Variants in TFEC observed in about 807,000 individuals in gnomAD.
TFEC encodes class E basic helix-loop-helix protein 34.
TFEC carries 31 observed loss-of-function variants against 41.6 expected under a neutral mutation model. The observed-to-expected ratio is 0.74, with a 90% CI of 0.56 to 1.01. The LOEUF is 1.01. Among genes scored for constraint, TFEC ranks in the 50% least tolerant of loss-of-function variants. The pLI is 0.00. For missense variants in TFEC, 402 were observed against 404.1 expected (o/e 0.99, Z 0.04); for synonymous variants, 143 against 140.6 (o/e 1.02, Z -0.12).
chr7:116,027,520 C>T (rs1412727848), intron 1 of TFEC, among the ~76,000 whole-genome samples: 12 of 151,982 alleles, frequency 7.9e-5, no homozygotes, highest in African/African-American at 2.9e-4. Flanking sequence ...TCTTTTGAGC[C>T]CGGGAGGTCG....
chr7:116,005,075 G>C (rs1201653597), intron 1 of TFEC, among the ~76,000 whole-genome samples: 1 of 152,186 alleles, frequency 6.6e-6, no homozygotes, highest in East Asian at 1.9e-4. Context: ...GGCCTCCCCA[G>C]CCATGTGAAA....
At chr7:116,041,720 T>A (rs1220589722) in intron 3 of TFEC, among the ~76,000 whole-genome samples, 1 of 152,168 alleles carries the variant, frequency 6.6e-6, no homozygotes, top group Non-Finnish European at 1.5e-5. Context: ...AGGCAGAGAT[T>A]GAAAAACCCA....
rs557176020 is a variant in TFEC at position 115,942,145 on chromosome 7, A to G, written c.516-105T>C. On this transcript the variant is annotated intron_variant, in intron 6 of 7. Transcript: ENST00000265440. Reference sequence around the variant, plus strand: ...ATATGAAATAATGATTTACATGACTATTATTCACTCTTAGATATTATTGCT... The same window carrying G: ...ATATGAAATAATGATTTACATGACTGTTATTCACTCTTAGATATTATTGCT... 6.4e-5 allele frequency: 77 copies of G among 1,203,750 alleles called. 1 individual carries two copies. The highest frequency in any genetic ancestry group is 3.6e-4 in the South Asian group (19 of 52,444). 74.6% of individuals were successfully genotyped at this position (1,203,750 alleles called of 1,614,324 possible). A position where few individuals can be genotyped will look rare whatever the true frequency, so the allele number is the denominator to read the frequency against.
chr7:116,143,864 T>A (rs1170799050), intron 1 of TFEC, among the ~76,000 whole-genome samples: 1 of 152,082 alleles, frequency 6.6e-6, no homozygotes, highest in Non-Finnish European at 1.5e-5. Flanking sequence ...TCCCAGACAT[T>A]CTTCATTTTC....
chr7:116,070,392 A>G (rs1403140490), intron 3 of TFEC, among the ~76,000 whole-genome samples: 3 of 151,472 alleles, frequency 2.0e-5, no homozygotes, highest in East Asian at 1.9e-4. Flanking sequence ...TCATTTGAAA[A>G]TTAAGTTATT....
At position 116,089,741 on chromosome 7, in the gene TFEC, G is replaced by GAGACAAT. The variant is rs1416840202; in HGVS notation, c.198+20966_198+20967insATTGTCT. On this transcript the variant is annotated intron_variant, in intron 3 of 8. Transcript: ENST00000484212. ...CAAAAGACAAAGGAAAGTATCTCTG[G>GAGACAAT]AGAAATACTATTGAAACTGGGCTTT... 2.6e-5 allele frequency among the ~76,000 whole-genome samples: 4 copies of GAGACAAT among 152,198 alleles called. No individual in the cohort carries two copies. In the South Asian group the frequency reaches 8.3e-4, roughly 32 times the overall value.
At position 116,029,705 on chromosome 7, in the gene TFEC, T is replaced by C. The variant is rs538243302; in HGVS notation, c.-73+928A>G. 5.9e-5 allele frequency among the ~76,000 whole-genome samples: 9 copies of C among 152,064 alleles called. No individual in the cohort carries two copies. The South Asian group carries it at 1.9e-3, about 32-fold the overall frequency. ...AGCAAATGTATATATACAGCATATA[T>C]ATATGTATGTACATGTGTATAAATA... On this transcript the variant is annotated intron_variant, in intron 1 of 7. Coordinates refer to ENST00000265440, the MANE Select transcript of TFEC (RefSeq NM_012252.4).
chr7:115,957,407 T>C (rs1251123423), intron 3 of TFEC, among the ~76,000 whole-genome samples: 1 of 151,860 alleles, frequency 6.6e-6, no homozygotes, highest in Non-Finnish European at 1.5e-5. Flanking sequence ...CTTTTGCCTC[T>C]AGTGAATATA....
At chr7:115,995,901 G>A (rs147837739) in intron 1 of TFEC, among the ~76,000 whole-genome samples, 13 of 152,308 alleles carry the variant, frequency 8.5e-5, no homozygotes, top group African/African-American at 2.9e-4. Flanking sequence ...GCCCTACCCG[G>A]AGGGGAATTG....
chr7:115,971,244 G>C (rs760852880), intron 3 of TFEC, among the ~76,000 whole-genome samples: 1 of 151,874 alleles, frequency 6.6e-6, no homozygotes, highest in Non-Finnish European at 1.5e-5. Context: ...CATTATCTCA[G>C]AGCTTTAACT....
chr7:115,944,276 G>T (rs1793676414), intron 6 of TFEC, among the ~76,000 whole-genome samples: 1 of 151,086 alleles, frequency 6.6e-6, no homozygotes, highest in African/African-American at 2.4e-5. Context: ...TGTAAACATG[G>T]CTCACAAAAA....
chr7:116,129,403 A>G (rs1407900928), intron 1 of TFEC, among the ~76,000 whole-genome samples: 2 of 151,856 alleles, frequency 1.3e-5, no homozygotes, highest in South Asian at 2.1e-4. Context: ...TAAAAGTAAA[A>G]TAAAATGTTA....
intron 1 of TFEC, among the ~76,000 whole-genome samples, chr7:116,139,653 A>C (rs1208898725): frequency 1.3e-5 from 2 of 152,242 alleles, no homozygotes. Flanking sequence ...TGATAAACTA[A>C]GGGATCCTGG....
intron 1 of TFEC, among the ~76,000 whole-genome samples, chr7:116,131,313 G>C (rs910478819): frequency 6.6e-6 from 1 of 152,092 alleles, no homozygotes; most frequent in African/African-American, 2.4e-5. Flanking sequence ...CCTTTGAACA[G>C]GGCACAAAGA....
intron 3 of TFEC, among the ~76,000 whole-genome samples, chr7:116,100,271 G>A (rs1797573970): frequency 6.6e-6 from 1 of 152,102 alleles, no homozygotes; most frequent in Non-Finnish European, 1.5e-5. Context: ...AGATCCAATT[G>A]CCAAACATGG....
intron 1 of TFEC, among the ~76,000 whole-genome samples, chr7:116,127,506 A>G (rs550111269): frequency 1.3e-5 from 2 of 152,208 alleles, no homozygotes; most frequent in South Asian, 2.1e-4. Flanking sequence ...CTCTGTTTCT[A>G]TTCTTTTAGT....
chr7:115,970,586 T>C (rs1263958746), intron 3 of TFEC, among the ~76,000 whole-genome samples: 1 of 151,966 alleles, frequency 6.6e-6, no homozygotes, highest in Non-Finnish European at 1.5e-5. Context: ...TGCTGATATT[T>C]ATAATACAGT....
At chr7:116,047,363 T>C (rs1796193519) in intron 3 of TFEC, among the ~76,000 whole-genome samples, 1 of 152,142 alleles carries the variant, frequency 6.6e-6, no homozygotes, top group Non-Finnish European at 1.5e-5. Context: ...ATCCTGCACC[T>C]GGCTCGGAGG....
intron 1 of TFEC, among the ~76,000 whole-genome samples, chr7:116,002,543 G>A (rs1562926576): frequency 1.3e-5 from 2 of 152,112 alleles, no homozygotes; most frequent in Non-Finnish European, 2.9e-5. Flanking sequence ...AGTAGTGGGG[G>A]TACTGGAGGT....
Sources: allele counts gnomAD v4.1 joint callset (sites outside exome capture counted in the v4.1 genomes callset), GRCh38; gene constraint gnomAD v4.1.1; transcripts MANE v1.5; gene names NCBI Gene and HGNC (gene_info 2026-07-23, HGNC 2026-07-21).